Variants in OR9Q1 observed in about 807,000 individuals in gnomAD.
The protein encoded by OR9Q1 is olfactory receptor family 9 subfamily Q member 1.
For synonymous variants in OR9Q1, 153 were observed against 148.6 expected, an observed-to-expected ratio of 1.03 and a Z score of -0.22; for missense variants, 374 against 378.8, an observed-to-expected ratio of 0.99 and a Z score of 0.11.
At chr11:58,119,278 T>C (rs1398229338) in intron 2 of OR9Q1, 1 of 1,613,946 alleles carries the variant, frequency 6.2e-7, no homozygotes, top group East Asian at 2.2e-5. Context: ...CATTGGGGTG[T>C]AGAGTTTGAC....
chr11:58,171,178 T>C (rs1321424885), intron 2 of OR9Q1: 2 of 152,212 alleles, frequency 1.3e-5, no homozygotes, highest in Non-Finnish European at 2.9e-5. Context: ...CAACCCTTGC[T>C]TTATGACACC....
chr11:58,046,496 T>C (rs1853217863), intron 1 of OR9Q1, among the ~76,000 whole-genome samples: 1 of 152,184 alleles, frequency 6.6e-6, no homozygotes, highest in Non-Finnish European at 1.5e-5. Flanking sequence ...AAGGGAGTGT[T>C]TAACCCTGCC....
At chr11:58,083,425 G>A (rs936282024) in intron 2 of OR9Q1, among the ~76,000 whole-genome samples, 53 of 151,068 alleles carry the variant, frequency 3.5e-4, no homozygotes, top group Middle Eastern at 6.8e-3. Context: ...TCTGTTTACT[G>A]TGTAGATAGT....
At chr11:58,144,289 T>G (rs927301846) in intron 2 of OR9Q1, among the ~76,000 whole-genome samples, 1 of 151,268 alleles carries the variant, frequency 6.6e-6, no homozygotes, top group African/African-American at 2.4e-5. Context: ...TTTGGTTTTT[T>G]GTCCTTGCGA....
At chr11:58,025,808 C>G (rs903692100) in intron 1 of OR9Q1, among the ~76,000 whole-genome samples, 2 of 152,140 alleles carry the variant, frequency 1.3e-5, no homozygotes, top group East Asian at 3.9e-4. Flanking sequence ...TCCTGACTCT[C>G]TCCGTGGACC....
chr11:58,131,460 G>T (rs1384067398), intron 2 of OR9Q1, among the ~76,000 whole-genome samples: 3 of 151,964 alleles, frequency 2.0e-5, no homozygotes, highest in Non-Finnish European at 4.4e-5. Context: ...TGTCATAATT[G>T]CCTATCTGTT....
intron 2 of OR9Q1, among the ~76,000 whole-genome samples, chr11:58,126,606 T>C (rs1221462171): frequency 6.6e-6 from 1 of 152,196 alleles, no homozygotes; most frequent in Admixed American, 6.5e-5. Flanking sequence ...CAGCCACAGA[T>C]CAGGACTCCT....
chr11:58,123,191 A>G (rs1285808373), intron 2 of OR9Q1, among the ~76,000 whole-genome samples: 1 of 152,190 alleles, frequency 6.6e-6, no homozygotes, highest in Non-Finnish European at 1.5e-5. Flanking sequence ...GAGTTAGTTG[A>G]TGGCAAATCC....
At chr11:58,125,925 T>G (rs1854086433) in intron 2 of OR9Q1, among the ~76,000 whole-genome samples, 2 of 152,180 alleles carry the variant, frequency 1.3e-5, no homozygotes, top group Non-Finnish European at 2.9e-5. Context: ...ACTCAGATCT[T>G]AGGACTCCTG....
intron 2 of OR9Q1, chr11:58,125,239 G>T (rs78623900): frequency 1.2e-5 from 1 of 85,244 alleles, no homozygotes; most frequent in Non-Finnish European, 2.0e-5. Flanking sequence ...CTTACCCACC[G>T]CCCCCCCCCC....
At chr11:58,160,501 C>G (rs1854447146) in intron 2 of OR9Q1, among the ~76,000 whole-genome samples, 1 of 151,744 alleles carries the variant, frequency 6.6e-6, no homozygotes, top group Admixed American at 6.6e-5. Flanking sequence ...GCTCTGTCAC[C>G]CAGGCTGGAG....
chr11:58,134,585 A>T (rs1482299794), intron 2 of OR9Q1, among the ~76,000 whole-genome samples: 1 of 152,188 alleles, frequency 6.6e-6, no homozygotes, highest in Non-Finnish European at 1.5e-5. Context: ...CTGGGGAAGG[A>T]GAAGTGTAAG....
At chr11:58,114,196 C>T (rs1853929307) in intron 2 of OR9Q1, among the ~76,000 whole-genome samples, 1 of 152,136 alleles carries the variant, frequency 6.6e-6, no homozygotes, top group Non-Finnish European at 1.5e-5. Flanking sequence ...CCTCCAGGTG[C>T]CCAGCTGTTT....
In OR9Q1 at chr11:58,053,626, T is replaced by A. The variant is rs199881661; in HGVS notation, c.-92-2244T>A. ...TAAAATTAAAAAATATATATATATATAAAATATATATATATATAAATTATA... is the reference window on the plus strand; with the variant it reads ...TAAAATTAAAAAATATATATATATAAAAAATATATATATATATAAATTATA... On this transcript the variant is annotated intron_variant, in intron 1 of 2. Coordinates refer to ENST00000335397, the MANE Select transcript of OR9Q1 (RefSeq NM_001005212.4). Among the ~76,000 whole-genome samples, 14 of 28,480 alleles carry A rather than the reference T, an allele frequency of 4.9e-4. No individual in the cohort carries two copies. The South Asian group carries it at 0.012, about 24-fold the overall frequency. The allele number at this position is 28,480 out of a possible 152,430, so 18.7% of individuals were successfully genotyped here. A position where few individuals can be genotyped will look rare whatever the true frequency, so the allele number is the denominator to read the frequency against.
At chr11:58,065,691 G>A (rs954233284) in intron 2 of OR9Q1, among the ~76,000 whole-genome samples, 8 of 152,100 alleles carry the variant, frequency 5.3e-5, no homozygotes, top group African/African-American at 1.7e-4. Flanking sequence ...TTGAAAACAC[G>A]CCCAGGCAGA....
At position 58,179,713 on chromosome 11, in the gene OR9Q1, C is replaced by A. The variant is rs1854641773; in HGVS notation, c.269C>A (p.Ala90Glu). 2 of 1,614,172 alleles carry A rather than the reference C, an allele frequency of 1.2e-6. No individual in the cohort carries two copies. The highest frequency in any genetic ancestry group is 1.7e-6 in the Non-Finnish European group (2 of 1,180,022). ...QMLAVLLEHG[A>E]ALSYTRCAAQ... Reference sequence around the variant, plus strand: ...CTGGCAGTGCTGCTGGAGCATGGGGCAGCTTTATCTTACACACGCTGTGCT... The same window carrying A: ...CTGGCAGTGCTGCTGGAGCATGGGGAAGCTTTATCTTACACACGCTGTGCT... The change falls in exon 3 of 3, where the codon GCA becomes GAA. Residue 90 changes from alanine (A) to glutamate (E), a missense_variant. Transcript: ENST00000335397.
intron 2 of OR9Q1, among the ~76,000 whole-genome samples, chr11:58,092,552 T>C (rs908440788): frequency 6.6e-5 from 10 of 152,194 alleles, no homozygotes; most frequent in Non-Finnish European, 1.0e-4. Context: ...TTGGGAACTA[T>C]ATCAAAAGAT....
chr11:58,032,919 A>G (rs1853057665), intron 1 of OR9Q1, among the ~76,000 whole-genome samples: 1 of 151,952 alleles, frequency 6.6e-6, no homozygotes, highest in Non-Finnish European at 1.5e-5. Flanking sequence ...GAAAAAAACA[A>G]TTAATCCCAT....
At chr11:58,142,369 CT>C (rs575799498) in intron 2 of OR9Q1, among the ~76,000 whole-genome samples, 356 of 152,198 alleles carry the variant, frequency 2.3e-3, no homozygotes, top group Non-Finnish European at 3.6e-3. Context: ...TGAATATAGC[CT>C]CTTTTTCCCT....
Sources: gnomAD v4.1 joint callset for allele counts (sites outside exome capture counted in the v4.1 genomes callset) on GRCh38, gnomAD v4.1.1 for gene constraint, MANE v1.5 for transcripts, NCBI Gene and HGNC (gene_info 2026-07-23, HGNC 2026-07-21) for gene names.